ABHD18: variants seen among roughly 807,000 people sequenced by gnomAD.
The protein encoded by ABHD18 is cardiolipin-specific deacylase, mitochondrial.
A neutral mutation model predicts 65.9 loss-of-function variants in ABHD18; 55 were observed. The ratio of observed to expected loss-of-function variants is 0.84; its 90% CI spans 0.67 to 1.05. ABHD18 has a LOEUF of 1.05. Among genes scored for constraint, ABHD18 ranks in the 50% least tolerant of loss-of-function variants. The pLI is 0.00. For missense variants in ABHD18, 533 were observed against 558.5 expected, an observed-to-expected ratio of 0.95 and a Z score of 0.46; for synonymous variants, 181 against 180.2, an observed-to-expected ratio of 1.00 and a Z score of -0.04.
rs1757203402 is a variant in ABHD18 at position 128,025,451 on chromosome 4, T to C, written c.802-3024T>C. 2.0e-5 allele frequency among the ~76,000 whole-genome samples: 3 copies of C among 152,312 alleles called. No individual in the cohort carries two copies. In the South Asian group the frequency reaches 6.2e-4, roughly 32 times the overall value. On this transcript the variant is annotated intron_variant, in intron 10 of 12. Transcript: ENST00000645843. ...CTGTGCCCAGCCTCACTTCCCTTTT[T>C]TATGGACTATACAAAGTGTTTCCTT...
intron 8 of ABHD18, 133 bp from the exon 9 acceptor site, chr4:128,019,947 T>C (rs1049655322): frequency 1.9e-6 from 1 of 529,238 alleles, no homozygotes; most frequent in Non-Finnish European, 3.3e-6. Flanking sequence ...TGGCTAGACA[T>C]TCTCACGAAT....
intron 4 of ABHD18, chr4:128,001,878 C>T: frequency 8.9e-7 from 1 of 1,129,296 alleles, no homozygotes; most frequent in Non-Finnish European, 1.2e-6. Flanking sequence ...GCCTGCCACT[C>T]AGAAGACCCT....
intron 4 of ABHD18, among the ~76,000 whole-genome samples, chr4:127,992,682 A>G (rs985233447): frequency 6.6e-6 from 1 of 151,798 alleles, no homozygotes; most frequent in African/African-American, 2.4e-5. Flanking sequence ...GGGACTGTAG[A>G]CTGATGTCAC....
rs1358754945 is a variant in ABHD18 at position 127,968,299 on chromosome 4, AGGGAAGTAGATTTTAACAGTG to A, written c.-18+2695_-18+2715del. On this transcript the variant is annotated intron_variant, in intron 1 of 12. Transcript: ENST00000645843. ...TTTGTTGAATTATATTTGTGAAGCT[AGGGAAGTAGATTTTAACAGTG>A]GATATCTGAGGTATCTAAACCCTTT... 2.0e-5 allele frequency among the ~76,000 whole-genome samples: 3 copies of A among 152,270 alleles called. No homozygotes were observed. The East Asian group carries it at 5.8e-4, about 29-fold the overall frequency.
At chr4:128,003,910 C>T (rs1753121377) in intron 4 of ABHD18, among the ~76,000 whole-genome samples, 1 of 145,886 alleles carries the variant, frequency 6.9e-6, no homozygotes, top group Non-Finnish European at 1.5e-5. Flanking sequence ...TGCCACTGCA[C>T]TTCAGCCTGG....
chr4:128,034,248 C>T (rs959411046), intron 12 of ABHD18, among the ~76,000 whole-genome samples: 2 of 152,068 alleles, frequency 1.3e-5, no homozygotes, highest in South Asian at 2.1e-4. Flanking sequence ...TAAGCCACCG[C>T]GCCTGGCCTA....
intron 12 of ABHD18, among the ~76,000 whole-genome samples, chr4:128,033,745 CCAGGATGGT>C (rs1203683948): frequency 3.3e-5 from 5 of 151,302 alleles, no homozygotes; most frequent in African/African-American, 1.2e-4. Flanking sequence ...ACCATGTTAG[CCAGGATGGT>C]CTCGATCTCC....
intron 4 of ABHD18, chr4:128,001,633 C>T: frequency 7.1e-7 from 1 of 1,410,828 alleles, no homozygotes; most frequent in East Asian, 2.6e-5. Flanking sequence ...TAGTTAACCC[C>T]TTGCCTACTT....
rs893828665 is a variant in ABHD18, at chr4:128,036,732, CAAAAT to C, written c.*922_*926del. ...GGGCAACAAGAGTGAAACTCCGTCT[CAAAAT>C]AATAATAATAACCAAAATGAGTGTT... On this transcript the variant is annotated 3_prime_UTR_variant, in exon 13 of 13. Coordinates refer to ENST00000645843, the MANE Select transcript of ABHD18 (RefSeq NM_001358451.3). 6 of 150,836 alleles carry C rather than the reference CAAAAT, an allele frequency of 4.0e-5. No individual in the cohort carries two copies. The highest frequency in any genetic ancestry group is 1.5e-4 in the African/African-American group (6 of 40,956). 9.3% of individuals were successfully genotyped at this position (150,836 alleles called of 1,614,324 possible). A position where few individuals can be genotyped will look rare whatever the true frequency, so the allele number is the denominator to read the frequency against.
intron 6 of ABHD18, chr4:128,009,656 A>G (rs1754201322): frequency 6.5e-6 from 1 of 154,544 alleles, no homozygotes; most frequent in Non-Finnish European, 1.5e-5. Context: ...CAATGATCAA[A>G]TATTTTAAAA....
intron 6 of ABHD18, among the ~76,000 whole-genome samples, chr4:128,010,300 T>C (rs1315063747): frequency 6.6e-6 from 1 of 151,094 alleles, no homozygotes; most frequent in Non-Finnish European, 1.5e-5. Context: ...GAGGCCGAGG[T>C]GGGCAGATGA....
At chr4:128,006,667 G>A (rs905778130) in intron 4 of ABHD18, among the ~76,000 whole-genome samples, 8 of 152,142 alleles carry the variant, frequency 5.3e-5, no homozygotes, top group Admixed American at 2.0e-4. Flanking sequence ...TCTAAAATAC[G>A]AACTGCTAAG....
At chr4:127,968,824 C>G (rs1579090486) in intron 1 of ABHD18, among the ~76,000 whole-genome samples, 1 of 151,986 alleles carries the variant, frequency 6.6e-6, no homozygotes, top group African/African-American at 2.4e-5. Flanking sequence ...CCAGATGGTG[C>G]CTTATTTTGG....
chr4:128,020,301 C>A, intron 9 of ABHD18, 132 bp downstream of exon 9: 1 of 652,132 alleles, frequency 1.5e-6, no homozygotes, highest in Non-Finnish European at 2.7e-6. Flanking sequence ...TAGTCGTAAT[C>A]ATGATTAAGC....
At chr4:128,024,949 T>C (rs545289325) in intron 10 of ABHD18, among the ~76,000 whole-genome samples, 32 of 152,166 alleles carry the variant, frequency 2.1e-4, no homozygotes, top group Admixed American at 6.5e-4. Context: ...ACCTCGGCCT[T>C]CCAAAGTGCT....
intron 3 of ABHD18, among the ~76,000 whole-genome samples, chr4:127,989,021 A>C (rs1750468516): frequency 6.6e-6 from 1 of 152,222 alleles, no homozygotes; most frequent in Non-Finnish European, 1.5e-5. Context: ...TGCGGAATCA[A>C]CCTAAGTGTT....
intron 4 of ABHD18, among the ~76,000 whole-genome samples, chr4:128,007,702 C>T (rs1050159511): frequency 2.4e-4 from 36 of 148,688 alleles, no homozygotes; most frequent in African/African-American, 7.7e-4. Flanking sequence ...GATCATGCCA[C>T]GGCACTCCAT....
At chr4:127,998,387 C>G (rs1279750236) in intron 4 of ABHD18, among the ~76,000 whole-genome samples, 1 of 150,264 alleles carries the variant, frequency 6.7e-6, no homozygotes, top group Non-Finnish European at 1.5e-5. Flanking sequence ...CCTCCTGTTC[C>G]CGCCACCACA....
At position 128,020,266 on chromosome 4, in the gene ABHD18, A is replaced by G. The variant is rs1256080547; in HGVS notation, c.699+97A>G. ...ACCACCCTCAGCTTTGGTGATTCAA[A>G]GAAAGAATTATAGGACTCAGGATAT... On this transcript the variant is annotated intron_variant, in intron 9 of 12. Transcript: ENST00000645843. 3 of 817,656 alleles carry G rather than the reference A, an allele frequency of 3.7e-6. No individual in the cohort carries two copies. The Admixed American group carries it at 6.5e-5, about 18-fold the overall frequency. 50.7% of individuals were successfully genotyped at this position (817,656 alleles called of 1,614,324 possible). A position where few individuals can be genotyped will look rare whatever the true frequency, so the allele number is the denominator to read the frequency against.
Sources: allele counts gnomAD v4.1 joint callset (sites outside exome capture counted in the v4.1 genomes callset), GRCh38; gene constraint gnomAD v4.1.1; transcripts MANE v1.5; gene names NCBI Gene and HGNC (gene_info 2026-07-23, HGNC 2026-07-21).